The following PSMB3 variants were observed in gnomAD, a reference collection of about 807,000 sequenced individuals.
PSMB3 encodes the protein proteasome subunit beta type-3.
PSMB3 carries 5 observed loss-of-function variants against 23.3 expected under a neutral mutation model. That is an observed-to-expected ratio of 0.21 (90% CI 0.11 to 0.45). The LOEUF is 0.45. Ranked by LOEUF, PSMB3 falls within the 20% of genes least tolerant of loss-of-function variation. The pLI is 0.99. For missense variants in PSMB3, 192 were observed against 277.9 expected, an observed-to-expected ratio of 0.69 and a Z score of 2.20; for synonymous variants, 85 against 99.8, an observed-to-expected ratio of 0.85 and a Z score of 0.88.
chr17:38,763,497 CTTTTTTTTTT>C, intron 5 of PSMB3, among the ~76,000 whole-genome samples: 1 of 76,060 alleles, frequency 1.3e-5, no homozygotes, highest in South Asian at 5.9e-4. Context: ...CTTCTTCCCC[CTTTTTTTTTT>C]TTTTTTTTTT....
chr17:38,754,150 A>G (rs1438906539), intron 2 of PSMB3, among the ~76,000 whole-genome samples: 3 of 152,160 alleles, frequency 2.0e-5, no homozygotes, highest in Non-Finnish European at 4.4e-5. Context: ...CTAGCTCACA[A>G]GCGTGGGTGG....
chr17:38,763,716 T>C (rs992751290), intron 5 of PSMB3, among the ~76,000 whole-genome samples: 3 of 152,082 alleles, frequency 2.0e-5, no homozygotes, highest in African/African-American at 7.2e-5. Context: ...TTGGTCAGGC[T>C]GGTCTTGAAC....
At chr17:38,763,500 T>C (rs1163563233) in intron 5 of PSMB3, among the ~76,000 whole-genome samples, 8 of 117,590 alleles carry the variant, frequency 6.8e-5, no homozygotes, top group African/African-American at 2.5e-4. Context: ...CTTCCCCCTT[T>C]TTTTTTTTTT....
chr17:38,760,278 G>A, intron 3 of PSMB3, 153 bp from the exon 4 acceptor site: 1 of 691,154 alleles, frequency 1.4e-6, no homozygotes, highest in East Asian at 2.8e-5. Context: ...AGAAGGGAGA[G>A]GGAGCTGGCC....
chr17:38,757,011 G>T (rs1459276169), intron 3 of PSMB3, among the ~76,000 whole-genome samples: 1 of 144,574 alleles, frequency 6.9e-6, no homozygotes, highest in African/African-American at 2.5e-5. Flanking sequence ...GGGATTACAG[G>T]TGTGTGCCAT....
At chr17:38,762,578 C>A in intron 5 of PSMB3, 73 bp downstream of exon 5, 2 of 1,393,314 alleles carry the variant, frequency 1.4e-6, no homozygotes, top group Non-Finnish European at 2.0e-6. Flanking sequence ...CGAGCATACA[C>A]CCCATTTTCC....
chr17:38,760,612 C>A lies in PSMB3; in HGVS notation c.474+4C>A, dbSNP rs187655616. The A allele has an allele frequency of 6.2e-7, 1 of 1,614,126 alleles. No individual in the cohort carries two copies. The highest frequency in any genetic ancestry group is 1.7e-5 in the Admixed American group (1 of 60,016). On this transcript the variant is annotated splice_donor_region_variant and intron_variant, in intron 4 of 5. Transcript: ENST00000619426. ...GTCCCTCTGGGAGCCCAACATGGTA[C>A]GTTGGTGGCATGGAGAGGGGCTGGG...
chr17:38,753,157 T>C lies in PSMB3; in HGVS notation c.11T>C (p.Met4Thr). ...CCGCTCTGTCTGTCCTAGTCTATTA[T>C]GTCCTATAACGGAGGGGCCGTCATG... Reference protein sequence around the residue: MSIMSYNGGAVMAM... With the variant: MSITSYNGGAVMAM... Residue 4 changes from methionine (M) to threonine (T), a missense_variant, in exon 2 of 6, where the codon ATG becomes ACG. Met to Thr is a moderately conservative substitution (Grantham distance 81). Coordinates refer to ENST00000619426, the MANE Select transcript of PSMB3 (RefSeq NM_002795.4). The C allele has an allele frequency of 6.2e-7, 1 of 1,613,998 alleles. No individual in the cohort carries two copies. The highest frequency in any genetic ancestry group is 1.1e-5 in the South Asian group (1 of 91,064).
chr17:38,753,128 C>T (rs768820639), intron 1 of PSMB3, 22 bp from the exon 2 acceptor site: 1 of 1,594,136 alleles, frequency 6.3e-7, no homozygotes, highest in East Asian at 2.3e-5. Context: ...CCGCGCTGAC[C>T]CCTCCGCTCT....
chr17:38,753,005 G>A (rs1378434819), intron 1 of PSMB3, 145 bp from the exon 2 acceptor site: 13 of 1,241,090 alleles, frequency 1.0e-5, no homozygotes, highest in Non-Finnish European at 1.3e-5. Context: ...CCGCCACACA[G>A]TGCTCATCCC....
rs543038684 is a variant in PSMB3 at position 38,763,221 on chromosome 17, T to C, written c.569+716T>C. On this transcript the variant is annotated intron_variant, in intron 5 of 5. Transcript: ENST00000619426. ...TACATAAAATTAGCCAGACGTGGTG[T>C]CACGTGCCTGTAATCCCAGCTACTA... 4.6e-4 allele frequency among the ~76,000 whole-genome samples: 70 copies of C among 151,880 alleles called. No homozygotes were observed. The South Asian group carries it at 0.011, about 24-fold the overall frequency.
chr17:38,757,418 C>G (rs1302075797), intron 3 of PSMB3, among the ~76,000 whole-genome samples: 8 of 151,742 alleles, frequency 5.3e-5, no homozygotes, highest in Non-Finnish European at 5.9e-5. Context: ...ACTCGGGAAG[C>G]TGAAGCATGA....
At chr17:38,755,828 A>G (rs932736721) in intron 2 of PSMB3, 55 bp from the exon 3 acceptor site, 1 of 1,439,428 alleles carries the variant, frequency 6.9e-7, no homozygotes, top group Admixed American at 1.7e-5. Flanking sequence ...TCAACAGGGT[A>G]GACACTCAGG....
At chr17:38,755,659 AATATATAT>A (rs1156759896) in intron 2 of PSMB3, among the ~76,000 whole-genome samples, 4 of 96,928 alleles carry the variant, frequency 4.1e-5, no homozygotes, top group African/African-American at 9.9e-5. Flanking sequence ...AAAAAAAAAA[AATATATAT>A]ATATATATAT....
chr17:38,761,107 T>C (rs1276713011), intron 4 of PSMB3, among the ~76,000 whole-genome samples: 1 of 151,598 alleles, frequency 6.6e-6, no homozygotes, highest in Non-Finnish European at 1.5e-5. Flanking sequence ...CCCAGCACTT[T>C]GGGAGGCTGA....
chr17:38,759,261 A>G (rs1488954850), intron 3 of PSMB3, among the ~76,000 whole-genome samples: 2 of 152,252 alleles, frequency 1.3e-5, no homozygotes, highest in Non-Finnish European at 2.9e-5. Flanking sequence ...ATATCCAAAA[A>G]TTGCTCACAG....
intron 2 of PSMB3, 56 bp downstream of exon 2, chr17:38,753,390 C>T (rs1908023809): frequency 6.4e-7 from 1 of 1,554,646 alleles, no homozygotes; most frequent in Non-Finnish European, 8.7e-7. Context: ...CATCCAACCC[C>T]GGCGTCTTGA....
At chr17:38,754,059 G>A (rs184871015) in intron 2 of PSMB3, among the ~76,000 whole-genome samples, 1 of 142,920 alleles carries the variant, frequency 7.0e-6, no homozygotes, top group East Asian at 2.1e-4. Flanking sequence ...GGGAATACGT[G>A]GTCACAGGGG....
At chr17:38,757,093 G>A (rs1366356325) in intron 3 of PSMB3, among the ~76,000 whole-genome samples, 8 of 146,634 alleles carry the variant, frequency 5.5e-5, no homozygotes, top group African/African-American at 2.0e-4. Context: ...CGCTGGTCGG[G>A]CTGGTCTTGA....
Sources: gnomAD v4.1 joint callset for allele counts (sites outside exome capture counted in the v4.1 genomes callset) on GRCh38, gnomAD v4.1.1 for gene constraint, MANE v1.5 for transcripts, NCBI Gene and HGNC (gene_info 2026-07-23, HGNC 2026-07-21) for gene names.